Variants in LAMTOR2 observed in about 807,000 individuals in gnomAD.
LAMTOR2 encodes the protein late endosomal/lysosomal adaptor, MAPK and MTOR activator 2.
LAMTOR2 carries 4 observed loss-of-function variants against 15.8 expected under a neutral mutation model. The ratio of observed to expected loss-of-function variants is 0.25; its 90% CI spans 0.12 to 0.58. The LOEUF is 0.58. LAMTOR2 is among the 20% of genes least tolerant of loss of function. LAMTOR2 has a pLI of 0.91. For synonymous variants in LAMTOR2, 62 were observed against 64.1 expected (o/e 0.97, Z 0.15); for missense variants, 100 against 161.0 (o/e 0.62, Z 2.05).
In LAMTOR2 at chr1:156,055,501, T is replaced by A; in HGVS notation, c.231+76T>A. The A allele has an allele frequency of 6.4e-7, 1 of 1,553,566 alleles. No homozygotes were observed. Among genetic ancestry groups the A allele is most frequent in the Non-Finnish European group, 8.9e-7 (1 of 1,127,258 alleles). On this transcript the variant is annotated intron_variant, in intron 2 of 3. Transcript: ENST00000368305. The surrounding 1 kb of genome is among the most constrained non-coding windows in gnomAD (Gnocchi z 4.8). ...GGGGCGACCTGGACCCCATCCTGGA[T>A]GGTTGGAGGGGCAGGGACAGGATCT...
In LAMTOR2 at chr1:156,055,220, C is replaced by T. The variant is rs1340944900; in HGVS notation, c.69-43C>T. On this transcript the variant is annotated intron_variant, in intron 1 of 3. Coordinates refer to ENST00000368305, the MANE Select transcript of LAMTOR2 (RefSeq NM_014017.4). The surrounding 1 kb of genome is among the most constrained non-coding windows in gnomAD (Gnocchi z 4.8). ...GGGATGGAAACCCAGACGTTTTACT[C>T]CCCGCTCTGAGCACATCGCTATCCC... 11 of 1,610,358 alleles carry T rather than the reference C, an allele frequency of 6.8e-6. No homozygotes were observed. The highest frequency in any genetic ancestry group is 9.3e-6 in the Non-Finnish European group (11 of 1,179,110).
chr1:156,056,163 CT>C (rs368772568), intron 2 of LAMTOR2, among the ~76,000 whole-genome samples: 310 of 152,228 alleles, frequency 2.0e-3, no homozygotes, highest in African/African-American at 7.1e-3. Flanking sequence ...ACCACCACAC[CT>C]CGCTAATTTT....
Position 156,055,479 on chromosome 1 carries a change from G to A in LAMTOR2, c.231+54G>A. On this transcript the variant is annotated intron_variant, in intron 2 of 3. Transcript: ENST00000368305. This position sits in a 1 kb window ranked among gnomAD's most constrained non-coding sequence, Gnocchi z 4.8. ...GTCCCCCAAAGGGGATCCCAAGGGG[G>A]CGACCTGGACCCCATCCTGGATGGT... 3 of 1,604,496 alleles carry A rather than the reference G, an allele frequency of 1.9e-6. No individual in the cohort carries two copies. Among genetic ancestry groups the A allele is most frequent in the Non-Finnish European group, 2.6e-6 (3 of 1,172,062 alleles).
In LAMTOR2 at chr1:156,058,133, C is replaced by T. The variant is rs779042435; in HGVS notation, c.321+66C>T. Reference sequence around the variant, plus strand: ...TTCGTGCTTCTACACTGTGTTCACTCCCACCAGGACCCTGTTTCTAGAGTT... The same window carrying T: ...TTCGTGCTTCTACACTGTGTTCACTTCCACCAGGACCCTGTTTCTAGAGTT... On this transcript the variant is annotated intron_variant, in intron 3 of 3. Coordinates refer to ENST00000368305, the MANE Select transcript of LAMTOR2 (RefSeq NM_014017.4). 12 of 1,525,026 alleles carry T rather than the reference C, an allele frequency of 7.9e-6. No individual in the cohort carries two copies. In the East Asian group the frequency reaches 2.7e-4, roughly 34 times the overall value. The allele number at this position is 1,525,026 out of a possible 1,614,324, so 94.5% of individuals were successfully genotyped here.
At chr1:156,058,215 T>A in intron 3 of LAMTOR2, 100 bp from the exon 4 acceptor site, 1 of 1,545,744 alleles carries the variant, frequency 6.5e-7, no homozygotes, top group Non-Finnish European at 8.9e-7. Flanking sequence ...CAGGTGGGGG[T>A]TGGGGGCTGG....
rs1647334407 is a variant in LAMTOR2, at chr1:156,055,593, G to A, written c.231+168G>A. On this transcript the variant is annotated intron_variant, in intron 2 of 3. Coordinates refer to ENST00000368305, the MANE Select transcript of LAMTOR2 (RefSeq NM_014017.4). This position sits in a 1 kb window ranked among gnomAD's most constrained non-coding sequence, Gnocchi z 4.8. Reference sequence around the variant, plus strand: ...TAGGCAGGACCCTATTCATCAAGTGGTGGTGAGGAAGGATCCCTGGACCTG... The same window carrying A: ...TAGGCAGGACCCTATTCATCAAGTGATGGTGAGGAAGGATCCCTGGACCTG... The A allele has an allele frequency of 2.7e-6, 2 of 751,680 alleles. No homozygotes were observed. Among genetic ancestry groups the A allele is most frequent in the Non-Finnish European group, 4.4e-6 (2 of 454,058 alleles). The allele number at this position is 751,680 out of a possible 1,614,324, so 46.6% of individuals were successfully genotyped here.
intron 2 of LAMTOR2, among the ~76,000 whole-genome samples, chr1:156,056,990 C>A (rs975970556): frequency 6.6e-6 from 1 of 151,550 alleles, no homozygotes; most frequent in Non-Finnish European, 1.5e-5. Flanking sequence ...CCAGCCTGGC[C>A]AACATGGTGA....
Position 156,055,068 on chromosome 1 carries a change from G to A in LAMTOR2, c.68+111G>A, listed in dbSNP as rs1308510672. On this transcript the variant is annotated intron_variant, in intron 1 of 3. Transcript: ENST00000368305. This position sits in a 1 kb window ranked among gnomAD's most constrained non-coding sequence, Gnocchi z 4.8. ...AGGAAGGGAGGAAGCGGCAGAGGGG[G>A]CAGCGGCTGGGGATACCGGCCGGGA... The A allele has an allele frequency of 4.3e-6, 6 of 1,398,942 alleles. No individual in the cohort carries two copies. The highest frequency in any genetic ancestry group is 4.7e-5 in the East Asian group (2 of 42,702). The allele number at this position is 1,398,942 out of a possible 1,614,324, so 86.7% of individuals were successfully genotyped here.
rs750310608 is a variant in LAMTOR2 at position 156,055,243 on chromosome 1, C to T, written c.69-20C>T. ...CTCCCCGCTCTGAGCACATCGCTAT[C>T]CCTCCCCGCCCCTCACCAGGCTGCT... is the stretch of plus-strand genomic sequence containing the variant. On this transcript the variant is annotated intron_variant, in intron 1 of 3. Transcript: ENST00000368305. The surrounding 1 kb of genome is among the most constrained non-coding windows in gnomAD (Gnocchi z 4.8). 5 of 1,613,092 alleles carry T rather than the reference C, an allele frequency of 3.1e-6. No homozygotes were observed. The highest frequency in any genetic ancestry group is 1.1e-5 in the South Asian group (1 of 91,088).
At chr1:156,057,191 A>G (rs1056653678) in intron 2 of LAMTOR2, among the ~76,000 whole-genome samples, 1 of 151,390 alleles carries the variant, frequency 6.6e-6, no homozygotes, top group Non-Finnish European at 1.5e-5. Flanking sequence ...AAAAAAAAAA[A>G]AAAAAGAAAT....
In LAMTOR2 at chr1:156,055,059, G is replaced by A; in HGVS notation, c.68+102G>A. On this transcript the variant is annotated intron_variant, in intron 1 of 3. Coordinates refer to ENST00000368305, the MANE Select transcript of LAMTOR2 (RefSeq NM_014017.4). The surrounding 1 kb of genome is among the most constrained non-coding windows in gnomAD (Gnocchi z 4.8). ...AGGATCACCAGGAAGGGAGGAAGCG[G>A]CAGAGGGGGCAGCGGCTGGGGATAC... 1 of 1,412,006 alleles carries A rather than the reference G, an allele frequency of 7.1e-7. No individual in the cohort carries two copies. The highest frequency in any genetic ancestry group is 9.9e-7 in the Non-Finnish European group (1 of 1,006,910). The allele number at this position is 1,412,006 out of a possible 1,614,324, so 87.5% of individuals were successfully genotyped here.
In LAMTOR2 at chr1:156,057,984, C is replaced by T. The variant is rs140632811; in HGVS notation, c.238C>T (p.Arg80Cys). 3.7e-6 allele frequency: 6 copies of T among 1,614,074 alleles called. No homozygotes were observed. The highest frequency in any genetic ancestry group is 1.3e-5 in the African/African-American group (1 of 75,000). Residue 80 changes from arginine to cysteine, a missense_variant, in exon 3 of 4, where the codon CGT (arginine) becomes TGT (cysteine). Coordinates refer to ENST00000368305, the MANE Select transcript of LAMTOR2 (RefSeq NM_014017.4). ...ATCATATCACCCCCACCAGGAGGGC[C>T]GTGTAGCCATCACCCGAGTGGCCAA... ...KFILMDCMEG[R>C]VAITRVANLL...
chr1:156,055,595 G>A lies in LAMTOR2; in HGVS notation c.231+170G>A. On this transcript the variant is annotated intron_variant, in intron 2 of 3. Transcript: ENST00000368305. The surrounding 1 kb of genome is among the most constrained non-coding windows in gnomAD (Gnocchi z 4.8). Reference sequence around the variant, plus strand: ...GGCAGGACCCTATTCATCAAGTGGTGGTGAGGAAGGATCCCTGGACCTGAG... The same window carrying A: ...GGCAGGACCCTATTCATCAAGTGGTAGTGAGGAAGGATCCCTGGACCTGAG... 1 of 730,746 alleles carries A rather than the reference G, an allele frequency of 1.4e-6. No homozygotes were observed. The highest frequency in any genetic ancestry group is 2.3e-5 in the Admixed American group (1 of 43,746). The allele number at this position is 730,746 out of a possible 1,614,324, so 45.3% of individuals were successfully genotyped here.
intron 3 of LAMTOR2, 102 bp downstream of exon 3, chr1:156,058,169 C>T: frequency 1.3e-6 from 2 of 1,496,424 alleles, no homozygotes; most frequent in South Asian, 1.1e-5. Flanking sequence ...CTCATGTCTA[C>T]TCAGTCCATT....
intron 1 of LAMTOR2, 32 bp downstream of exon 1, chr1:156,054,989 C>T: frequency 6.2e-7 from 1 of 1,602,086 alleles, no homozygotes; most frequent in Non-Finnish European, 8.5e-7. Flanking sequence ...GAGCGGCGAG[C>T]GCTGCAGTGG....
chr1:156,055,048 G>C lies in LAMTOR2; in HGVS notation c.68+91G>C. The C allele has an allele frequency of 6.8e-7, 1 of 1,464,680 alleles. No homozygotes were observed. The highest frequency in any genetic ancestry group is 2.3e-5 in the East Asian group (1 of 42,750). 90.7% of individuals were successfully genotyped at this position (1,464,680 alleles called of 1,614,324 possible). The stretch of plus-strand genomic sequence containing the variant: ...AGGGGTGGGGAAGGATCACCAGGAA[G>C]GGAGGAAGCGGCAGAGGGGGCAGCG... On this transcript the variant is annotated intron_variant, in intron 1 of 3. Coordinates refer to ENST00000368305, the MANE Select transcript of LAMTOR2 (RefSeq NM_014017.4). The surrounding 1 kb of genome is among the most constrained non-coding windows in gnomAD (Gnocchi z 4.8).
rs1452123751 is a variant in LAMTOR2, at chr1:156,055,810, C to T, written c.231+385C>T. 1 of 264,396 alleles carries T rather than the reference C, an allele frequency of 3.8e-6. No homozygotes were observed. Among genetic ancestry groups the T allele is most frequent in the Non-Finnish European group, 7.5e-6 (1 of 132,838 alleles). 16.4% of individuals were successfully genotyped at this position (264,396 alleles called of 1,614,324 possible). ...TGGGTATAAACAGTAGAATGACGTG[C>T]AAACACAAAGTGTTGTCATCCCAGT... On this transcript the variant is annotated intron_variant, in intron 2 of 3. Transcript: ENST00000368305. This position sits in a 1 kb window ranked among gnomAD's most constrained non-coding sequence, Gnocchi z 4.8.
At position 156,055,254 on chromosome 1, in the gene LAMTOR2, C is replaced by G. The variant is rs767635940; in HGVS notation, c.69-9C>G. On this transcript the variant is annotated splice_polypyrimidine_tract_variant and intron_variant, in intron 1 of 3. Coordinates refer to ENST00000368305, the MANE Select transcript of LAMTOR2 (RefSeq NM_014017.4). The surrounding 1 kb of genome is among the most constrained non-coding windows in gnomAD (Gnocchi z 4.8). Reference sequence around the variant, plus strand: ...GAGCACATCGCTATCCCTCCCCGCCCCTCACCAGGCTGCTGAATAACGAGG... The same window carrying G: ...GAGCACATCGCTATCCCTCCCCGCCGCTCACCAGGCTGCTGAATAACGAGG... The G allele has an allele frequency of 2.9e-5, 47 of 1,613,624 alleles. No individual in the cohort carries two copies. Among genetic ancestry groups the G allele is most frequent in the Non-Finnish European group, 3.7e-5 (44 of 1,180,008 alleles).
At chr1:156,057,192 A>AG (rs1647400152) in intron 2 of LAMTOR2, among the ~76,000 whole-genome samples, 2 of 151,184 alleles carry the variant, frequency 1.3e-5, no homozygotes, top group African/African-American at 2.4e-5. Context: ...AAAAAAAAAA[A>AG]AAAAGAAATA....
Sources: allele counts gnomAD v4.1 joint callset (sites outside exome capture counted in the v4.1 genomes callset), GRCh38; gene constraint gnomAD v4.1.1; non-coding constraint Gnocchi (gnomAD v3.1); transcripts MANE v1.5; gene names NCBI Gene and HGNC (gene_info 2026-07-23, HGNC 2026-07-21).